The following CREB5 variants were observed in gnomAD, a reference collection of about 807,000 sequenced individuals.
The protein encoded by CREB5 is cyclic AMP-responsive element-binding protein 5.
In CREB5, 19 loss-of-function variants were observed where a neutral mutation model predicts 57.1. That is an observed-to-expected ratio of 0.33 (90% confidence interval 0.23 to 0.49). CREB5 has a LOEUF of 0.49. Ranked by LOEUF, CREB5 falls within the 20% of genes least tolerant of loss-of-function variation. The probability of loss-of-function intolerance (pLI) is 0.99; values close to 1 mark genes in which losing one functional copy is unlikely to be tolerated. For missense variants in CREB5, 579 were observed against 671.6 expected (o/e 0.86, Z 1.52); for synonymous variants, 238 against 238.3 (o/e 1.00, Z 0.01).
At chr7:28,773,941 G>A (rs56389942) in intron 7 of CREB5, among the ~76,000 whole-genome samples, 1 of 152,016 alleles carries the variant, frequency 6.6e-6, no homozygotes, top group Non-Finnish European at 1.5e-5. Flanking sequence ...GGATGGAGGT[G>A]TGTTTTCCAA....
At chr7:28,607,744 TGTGTGTGTGTGTGTGTG>T (rs1797200389) in intron 5 of CREB5, among the ~76,000 whole-genome samples, 1 of 8,114 alleles carries the variant, frequency 1.2e-4, no homozygotes, top group Admixed American at 1.5e-3. Context: ...GCTGTGTGTG[TGTGTGTGTGTGTGTGTG>T]TGTGTGTGTG....
At position 28,823,179 on chromosome 7, in the gene CREB5, A is replaced by G. The variant is rs1193334110; in HGVS notation, c.*3900A>G. On this transcript the variant is annotated 3_prime_UTR_variant, in exon 11 of 11. Transcript: ENST00000357727. ...GGAGTTTTAAGCCTCGGTAACTGCTATAAAACTAGCCATCCAGTTAGGATA... is the reference window on the plus strand; with the variant it reads ...GGAGTTTTAAGCCTCGGTAACTGCTGTAAAACTAGCCATCCAGTTAGGATA... 6.6e-6 allele frequency: 1 copy of G among 152,640 alleles called. No homozygotes were observed. Among genetic ancestry groups the G allele is most frequent in the Non-Finnish European group, 1.5e-5 (1 of 68,042 alleles). 9.5% of individuals were successfully genotyped at this position (152,640 alleles called of 1,614,324 possible).
chr7:28,807,048 G>C (rs538535346), intron 8 of CREB5, among the ~76,000 whole-genome samples: 1 of 152,160 alleles, frequency 6.6e-6, no homozygotes, highest in Non-Finnish European at 1.5e-5. Flanking sequence ...CAAGGATGAC[G>C]CCTTCACTAG....
At chr7:28,561,027 T>TGCGTGCGTGTGTGCGTGC (rs1395507333) in intron 4 of CREB5, among the ~76,000 whole-genome samples, 1 of 70,488 alleles carries the variant, frequency 1.4e-5, no homozygotes, top group Non-Finnish European at 2.7e-5. Flanking sequence ...CGTGTGTGCG[T>TGCGTGCGTGTGTGCGTGC]GTGTGTGTGT....
chr7:28,546,423 G>T lies in CREB5; in HGVS notation c.292-23942G>T, dbSNP rs216731. On this transcript the variant is annotated intron_variant, in intron 4 of 10. Coordinates refer to ENST00000357727, the MANE Select transcript of CREB5 (RefSeq NM_182898.4). Reference sequence around the variant, plus strand: ...AATAAACTTAGGAGTGGAATTTCTGGGTCATGTGGTAACTCTATGTTTAGC... The same window carrying T: ...AATAAACTTAGGAGTGGAATTTCTGTGTCATGTGGTAACTCTATGTTTAGC... Among the ~76,000 whole-genome samples the T allele has an allele frequency of 7.4e-3, 1,122 of 152,218 alleles. 13 individuals are homozygous for T. The highest frequency in any genetic ancestry group is 0.025 in the African/African-American group (1,057 of 41,514).
At chr7:28,434,705 T>A (rs1425844714) in intron 1 of CREB5, among the ~76,000 whole-genome samples, 1 of 152,232 alleles carries the variant, frequency 6.6e-6, no homozygotes, top group Non-Finnish European at 1.5e-5. Flanking sequence ...TAATTATATC[T>A]AAGACTATTA....
At chr7:28,489,299 T>C (rs893588606) in intron 2 of CREB5, among the ~76,000 whole-genome samples, 2 of 139,494 alleles carry the variant, frequency 1.4e-5, no homozygotes, top group Non-Finnish European at 3.1e-5. Context: ...GACCCTTCTT[T>C]TTTTTTTTTT....
intron 1 of CREB5, among the ~76,000 whole-genome samples, chr7:28,459,664 C>A (rs1433044486): frequency 2.6e-5 from 4 of 152,092 alleles, no homozygotes; most frequent in African/African-American, 9.7e-5. Context: ...CTGCTGGAAA[C>A]GTGAATAGGC....
intron 7 of CREB5, among the ~76,000 whole-genome samples, chr7:28,781,426 A>G (rs1009151349): frequency 6.6e-6 from 1 of 152,202 alleles, no homozygotes; most frequent in Non-Finnish European, 1.5e-5. Flanking sequence ...TGATCTGGCA[A>G]TGTTTCCGTT....
intron 5 of CREB5, among the ~76,000 whole-genome samples, chr7:28,594,239 T>C (rs1796622396): frequency 6.6e-6 from 1 of 152,270 alleles, no homozygotes; most frequent in Non-Finnish European, 1.5e-5. Context: ...ACTGGTTTCT[T>C]TCTTAACCTC....
chr7:28,660,054 A>G (rs2128712544), intron 5 of CREB5, among the ~76,000 whole-genome samples: 1 of 152,308 alleles, frequency 6.6e-6, no homozygotes, highest in East Asian at 1.9e-4. Flanking sequence ...CTTGGAGCAA[A>G]AATTTATTAA....
At chr7:28,301,555 C>T (rs752440978) in intron 1 of CREB5, among the ~76,000 whole-genome samples, 2 of 152,186 alleles carry the variant, frequency 1.3e-5, no homozygotes, top group Non-Finnish European at 2.9e-5. Flanking sequence ...GACTCAGGTC[C>T]AACCCCGGAT....
chr7:28,387,040 A>C (rs1485927082), intron 1 of CREB5, among the ~76,000 whole-genome samples: 1 of 152,110 alleles, frequency 6.6e-6, no homozygotes, highest in Non-Finnish European at 1.5e-5. Flanking sequence ...GTGAATATAC[A>C]CATGCATGTA....
chr7:28,773,175 A>T (rs537429459), intron 7 of CREB5, among the ~76,000 whole-genome samples: 7 of 152,282 alleles, frequency 4.6e-5, no homozygotes, highest in African/African-American at 7.2e-5. Flanking sequence ...ACAAACAAAA[A>T]AAAAATCACT....
chr7:28,794,911 G>GA (rs1337836647), intron 7 of CREB5, among the ~76,000 whole-genome samples: 3 of 152,144 alleles, frequency 2.0e-5, no homozygotes, highest in African/African-American at 7.2e-5. Flanking sequence ...TGTTACAGAG[G>GA]AAAAATAGAA....
chr7:28,805,721 C>G (rs1235519158), intron 8 of CREB5, among the ~76,000 whole-genome samples: 2 of 128,698 alleles, frequency 1.6e-5, no homozygotes, highest in East Asian at 2.1e-4. Flanking sequence ...AATGAGATAA[C>G]CTTAATTTTT....
chr7:28,376,766 A>C (rs1786838202), intron 1 of CREB5, among the ~76,000 whole-genome samples: 1 of 152,170 alleles, frequency 6.6e-6, no homozygotes, highest in Admixed American at 6.5e-5. Flanking sequence ...CTGAGCCAAT[A>C]ATATGAGCTG....
rs192856453 is a variant in CREB5 at position 28,674,489 on chromosome 7, A to G, written c.465-44264A>G. 2.6e-5 allele frequency among the ~76,000 whole-genome samples: 4 copies of G among 152,272 alleles called. No homozygotes were observed. In the East Asian group the frequency reaches 7.7e-4, roughly 29 times the overall value. On this transcript the variant is annotated intron_variant, in intron 5 of 10. Transcript: ENST00000357727. ...ACCTCTTACTGTGAGAGTATCCTGC[A>G]TGACTCATTTCTGAGATTTACACTG...
At position 28,804,521 on chromosome 7, in the gene CREB5, A is replaced by G. The variant is rs1326704711; in HGVS notation, c.1025A>G (p.Gln342Arg). The G allele has an allele frequency of 1.2e-6, 2 of 1,612,674 alleles. No individual in the cohort carries two copies. The highest frequency in any genetic ancestry group is 1.1e-5 in the South Asian group (1 of 91,060). ...HPPLHTGNQA[Q>R]VSPATQQMQP... ...CCCCTGCACACCGGCAACCAAGCAC[A>G]GGTAGACCTTTTCCGTGATCTCTTT... The change falls in exon 8 of 11, where the codon CAG (glutamine) becomes CGG (arginine). Residue 342 changes from glutamine (Q) to arginine (R), a missense_variant and splice_region_variant. Coordinates refer to ENST00000357727, the MANE Select transcript of CREB5 (RefSeq NM_182898.4).
Sources: allele counts gnomAD v4.1 joint callset (sites outside exome capture counted in the v4.1 genomes callset), GRCh38; gene constraint gnomAD v4.1.1; transcripts MANE v1.5; gene names NCBI Gene and HGNC (gene_info 2026-07-23, HGNC 2026-07-21).